Variants in DCBLD2 observed in about 807,000 individuals in gnomAD.
The protein encoded by DCBLD2 is discoidin, CUB and LCCL domain-containing protein 2.
Under a neutral mutation model 86.8 loss-of-function variants are expected in DCBLD2, and 54 were observed. The ratio of observed to expected loss-of-function variants is 0.62; its 90% CI spans 0.50 to 0.78. DCBLD2 has a LOEUF of 0.78. DCBLD2 is among the 30% of genes least tolerant of loss of function. The pLI, the probability that DCBLD2 is intolerant of heterozygous loss-of-function variation, is 0.00. For missense variants in DCBLD2, 908 were observed against 954.2 expected (o/e 0.95, Z 0.64); for synonymous variants, 354 against 341.3 (o/e 1.04, Z -0.41).
intron 3 of DCBLD2, among the ~76,000 whole-genome samples, chr3:98,842,783 C>A (rs1942644076): frequency 6.6e-6 from 1 of 152,128 alleles, no homozygotes; most frequent in Non-Finnish European, 1.5e-5. Context: ...ATCTAAATCT[C>A]CATACACTAA....
At chr3:98,898,360 A>C (rs1943786142) in intron 1 of DCBLD2, among the ~76,000 whole-genome samples, 1 of 151,140 alleles carries the variant, frequency 6.6e-6, no homozygotes, top group African/African-American at 2.4e-5. Flanking sequence ...GTCAGAAAGA[A>C]AAAAGACACT....
At chr3:98,847,911 A>T (rs1008997903) in intron 3 of DCBLD2, among the ~76,000 whole-genome samples, 3 of 152,230 alleles carry the variant, frequency 2.0e-5, no homozygotes, top group Admixed American at 6.5e-5. Flanking sequence ...GAGAGAGTTC[A>T]TGCAGGTCTT....
At chr3:98,860,214 T>C (rs1943015852) in intron 2 of DCBLD2, among the ~76,000 whole-genome samples, 1 of 152,050 alleles carries the variant, frequency 6.6e-6, no homozygotes, top group African/African-American at 2.4e-5. Flanking sequence ...CCAAGAAATA[T>C]GGGACTAGGT....
intron 3 of DCBLD2, among the ~76,000 whole-genome samples, chr3:98,846,372 G>C (rs527273832): frequency 6.6e-6 from 1 of 152,302 alleles, no homozygotes; most frequent in South Asian, 2.1e-4. Flanking sequence ...CATTGTGGCA[G>C]TTAAGTTTCC....
intron 6 of DCBLD2, 116 bp from the exon 7 acceptor site, chr3:98,820,404 C>G: frequency 1.4e-6 from 1 of 690,958 alleles, no homozygotes; most frequent in Admixed American, 3.8e-5. Context: ...ACCAAGAAGA[C>G]TGTGTGGCTA....
chr3:98,815,038 T>A, intron 9 of DCBLD2: 1 of 151,384 alleles, frequency 6.6e-6, no homozygotes, highest in South Asian at 2.1e-4. Context: ...GAGCTGAGAG[T>A]GGGAGGCCAA....
At chr3:98,863,890 C>CA (rs1943092126) in intron 2 of DCBLD2, among the ~76,000 whole-genome samples, 1 of 152,068 alleles carries the variant, frequency 6.6e-6, no homozygotes, top group African/African-American at 2.4e-5. Flanking sequence ...TTCTGCACAG[C>CA]AAAAGAAACT....
intron 3 of DCBLD2, among the ~76,000 whole-genome samples, chr3:98,831,130 G>A (rs941580861): frequency 6.6e-6 from 1 of 151,052 alleles, no homozygotes; most frequent in African/African-American, 2.4e-5. Flanking sequence ...GCAGTGCAGT[G>A]GTGTGATCTT....
At position 98,799,294 on chromosome 3, in the gene DCBLD2, A is replaced by C. The variant is rs973459963; in HGVS notation, c.*78T>G. On this transcript the variant is annotated 3_prime_UTR_variant, in exon 16 of 16. Transcript: ENST00000326840. ...CAGTGACAGTTATGTAATACATTCT[A>C]TATATTACTACCACTAATAATTAAA... 2.2e-6 allele frequency: 3 copies of C among 1,380,192 alleles called. No homozygotes were observed. The highest frequency in any genetic ancestry group is 3.1e-5 in the African/African-American group (2 of 65,034). The allele number at this position is 1,380,192 out of a possible 1,614,324, so 85.5% of individuals were successfully genotyped here.
chr3:98,901,525 G>T lies in DCBLD2; in HGVS notation c.-199C>A, dbSNP rs1943852717. On this transcript the variant is annotated 5_prime_UTR_variant, in exon 1 of 16. Coordinates refer to ENST00000326840, the MANE Select transcript of DCBLD2 (RefSeq NM_080927.4). ...TTCGTCCCTTCCCTCCGCTCCCCGC[G>T]CCGAGACCCCAGGCCGGAGCGCAGG... 7 of 451,310 alleles carry T rather than the reference G, an allele frequency of 1.6e-5. No homozygotes were observed. The highest frequency in any genetic ancestry group is 2.1e-5 in the Non-Finnish European group (6 of 283,976). The allele number at this position is 451,310 out of a possible 1,614,324, so 28.0% of individuals were successfully genotyped here. A position where few individuals can be genotyped will look rare whatever the true frequency, so the allele number is the denominator to read the frequency against.
chr3:98,836,889 CT>C (rs1202109560), intron 3 of DCBLD2, among the ~76,000 whole-genome samples: 48 of 77,042 alleles, frequency 6.2e-4, no homozygotes, highest in African/African-American at 2.3e-3. Flanking sequence ...CCCCACCTCC[CT>C]CCCGGAGGGG....
At chr3:98,804,492 A>T (rs575769478) in intron 13 of DCBLD2, among the ~76,000 whole-genome samples, 7 of 152,254 alleles carry the variant, frequency 4.6e-5, no homozygotes, top group African/African-American at 1.2e-4. Context: ...CTTTTCAAAA[A>T]ACCAGCTCCT....
At chr3:98,864,660 C>T (rs141236326) in intron 2 of DCBLD2, among the ~76,000 whole-genome samples, 90 of 152,076 alleles carry the variant, frequency 5.9e-4, no homozygotes, top group African/African-American at 2.0e-3. Context: ...ACAATGAGAA[C>T]ACTTGGACAC....
chr3:98,896,350 T>C (rs1028485376), intron 1 of DCBLD2, among the ~76,000 whole-genome samples: 11 of 152,246 alleles, frequency 7.2e-5, no homozygotes, highest in Admixed American at 5.2e-4. Flanking sequence ...TGAACTGAAA[T>C]ACTTTCTCAA....
At chr3:98,894,302 AC>A in intron 1 of DCBLD2, among the ~76,000 whole-genome samples, 1 of 152,294 alleles carries the variant, frequency 6.6e-6, no homozygotes, top group South Asian at 2.1e-4. Context: ...TAGTGAAGCT[AC>A]CTGAATGCTC....
At chr3:98,819,467 G>A (rs1236695150) in intron 7 of DCBLD2, 50 bp from the exon 8 acceptor site, 2 of 1,591,624 alleles carry the variant, frequency 1.3e-6, no homozygotes, top group Non-Finnish European at 1.7e-6. Context: ...ATTTCAAAAT[G>A]CATGTAGACC....
In DCBLD2 at chr3:98,870,810, A is replaced by AGAAAGAAAGG. The variant is rs1943268013; in HGVS notation, c.433+10729_433+10730insCCTTTCTTTC. Among the ~76,000 whole-genome samples, 3 of 131,580 alleles carry AGAAAGAAAGG rather than the reference A, an allele frequency of 2.3e-5. No individual in the cohort carries two copies. The South Asian group carries it at 7.2e-4, about 32-fold the overall frequency. The allele number at this position is 131,580 out of a possible 152,430, so 86.3% of individuals were successfully genotyped here. A position where few individuals can be genotyped will look rare whatever the true frequency, so the allele number is the denominator to read the frequency against. On this transcript the variant is annotated intron_variant, in intron 2 of 15. Coordinates refer to ENST00000326840, the MANE Select transcript of DCBLD2 (RefSeq NM_080927.4). ...GAAAGAAAGAAAGAAAGAAAGAAAG[A>AGAAAGAAAGG]AAGGTAGGCAGGCATTGGTGGTATT...
At chr3:98,828,811 A>G (rs1327530938) in intron 3 of DCBLD2, among the ~76,000 whole-genome samples, 2 of 152,208 alleles carry the variant, frequency 1.3e-5, no homozygotes, top group Non-Finnish European at 2.9e-5. Flanking sequence ...TATACATACA[A>G]TGGAATATTA....
intron 2 of DCBLD2, among the ~76,000 whole-genome samples, chr3:98,874,790 C>T (rs1346291131): frequency 6.6e-6 from 1 of 152,216 alleles, no homozygotes; most frequent in Non-Finnish European, 1.5e-5. Flanking sequence ...TCCCTCCAAC[C>T]TCGTCATGTG....
Sources: allele counts gnomAD v4.1 joint callset (sites outside exome capture counted in the v4.1 genomes callset), GRCh38; gene constraint gnomAD v4.1.1; transcripts MANE v1.5; gene names NCBI Gene and HGNC (gene_info 2026-07-23, HGNC 2026-07-21).